The following NEBL variants were observed in gnomAD, a reference collection of about 807,000 sequenced individuals.
NEBL encodes the protein LIM and SH3 protein 2.
In NEBL, 122 loss-of-function variants were observed where a neutral mutation model predicts 140.2. That is an observed-to-expected ratio of 0.87 (90% CI 0.75 to 1.01). The LOEUF is 1.01. NEBL is among the 50% of genes least tolerant of loss of function. NEBL has a pLI of 0.00. For missense variants in NEBL, 1,365 were observed against 1,231.3 expected, an observed-to-expected ratio of 1.11 and a Z score of -1.62; for synonymous variants, 436 against 398.9, an observed-to-expected ratio of 1.09 and a Z score of -1.11.
At chr10:20,798,139 A>G (rs925299837) in intron 26 of NEBL, among the ~76,000 whole-genome samples, 1 of 151,598 alleles carries the variant, frequency 6.6e-6, no homozygotes, top group Admixed American at 6.6e-5. Flanking sequence ...TAGCATGGGC[A>G]TATCAGAAAT....
intron 5 of NEBL, among the ~76,000 whole-genome samples, chr10:20,877,496 T>G (rs1322297217): frequency 6.6e-6 from 1 of 152,210 alleles, no homozygotes; most frequent in African/African-American, 2.4e-5. Context: ...CTTTTTCTTT[T>G]CTAACAAAGA....
At chr10:21,231,089 C>T (rs1842243158) in intron 3 of NEBL, among the ~76,000 whole-genome samples, 1 of 152,206 alleles carries the variant, frequency 6.6e-6, no homozygotes, top group Admixed American at 6.5e-5. Flanking sequence ...GGCATAAGGA[C>T]ACAAGTTGAT....
At position 21,199,079 on chromosome 10, in the gene NEBL, C is replaced by T. The variant is rs546474289; in HGVS notation, n.349-26602G>A. Among the ~76,000 whole-genome samples, 9 of 151,820 alleles carry T rather than the reference C, an allele frequency of 5.9e-5. No individual in the cohort carries two copies. The East Asian group carries it at 1.8e-3, about 30-fold the overall frequency. On this transcript the variant is annotated intron_variant and non_coding_transcript_variant, in intron 3 of 8. Coordinates refer to the NEBL transcript ENST00000675702. ...TTGCTGTGTTGTGCAGGCTGGAGTACAGCAGTGCAATCACAGCTCACTGCA... is the reference window on the plus strand; with the variant it reads ...TTGCTGTGTTGTGCAGGCTGGAGTATAGCAGTGCAATCACAGCTCACTGCA...
intron 2 of NEBL, among the ~76,000 whole-genome samples, chr10:21,067,139 A>AT (rs1835600262): frequency 6.6e-6 from 1 of 151,760 alleles, no homozygotes; most frequent in South Asian, 2.1e-4. Context: ...CGCCCGGCTA[A>AT]TTTTGGTATT....
chr10:20,812,678 G>C (rs1343264900), intron 24 of NEBL, 91 bp downstream of exon 24: 1 of 1,469,512 alleles, frequency 6.8e-7, no homozygotes, highest in African/African-American at 1.4e-5. Context: ...ATGTGATGAG[G>C]AGTCAGATGA....
chr10:20,949,834 G>C (rs1835373211), intron 4 of NEBL, among the ~76,000 whole-genome samples: 1 of 151,974 alleles, frequency 6.6e-6, no homozygotes, highest in South Asian at 2.1e-4. Context: ...GTATTTTCTG[G>C]AATACTGATA....
intron 2 of NEBL, chr10:21,030,077 G>A (rs1473663630): frequency 6.4e-6 from 3 of 470,622 alleles, no homozygotes; most frequent in Non-Finnish European, 8.2e-6. Context: ...GTCCGGTCGA[G>A]CTTATTTTGT....
chr10:20,887,060 A>C (rs1489849639), intron 4 of NEBL, among the ~76,000 whole-genome samples: 1 of 152,302 alleles, frequency 6.6e-6, no homozygotes, highest in East Asian at 1.9e-4. Context: ...AACCTCCCCA[A>C]ATTTGATTGT....
intron 4 of NEBL, among the ~76,000 whole-genome samples, chr10:20,906,818 T>C (rs1445697280): frequency 1.3e-5 from 2 of 152,150 alleles, no homozygotes; most frequent in African/African-American, 2.4e-5. Flanking sequence ...CATGTTAATC[T>C]CTCCAGTCAA....
chr10:20,842,377 A>G (rs2130984047), intron 12 of NEBL, among the ~76,000 whole-genome samples: 1 of 152,224 alleles, frequency 6.6e-6, no homozygotes, highest in East Asian at 1.9e-4. Context: ...GTAATGTCAA[A>G]GGGCAATGGG....
In NEBL at chr10:20,834,794, A is replaced by G. The variant is rs116612983; in HGVS notation, c.1449+719T>C. ...TCCAGTGATCCTTTTATATTCTCAG[A>G]TTTTCTGGGGAAGTTCAAGAGGTGT... On this transcript the variant is annotated intron_variant, in intron 14 of 27. Coordinates refer to ENST00000377122, the MANE Select transcript of NEBL (RefSeq NM_006393.3). Among the ~76,000 whole-genome samples, 354 of 152,224 alleles carry G rather than the reference A, an allele frequency of 2.3e-3. 3 individuals are homozygous for G. Among genetic ancestry groups the G allele is most frequent in the African/African-American group, 8.0e-3 (334 of 41,528 alleles).
intron 2 of NEBL, among the ~76,000 whole-genome samples, chr10:21,068,021 A>C (rs1169088147): frequency 6.6e-6 from 1 of 152,206 alleles, no homozygotes; most frequent in African/African-American, 2.4e-5. Context: ...TAATAAATAC[A>C]ACATGCCTAG....
chr10:20,845,734 T>C (rs1841871452), intron 11 of NEBL, among the ~76,000 whole-genome samples: 1 of 152,052 alleles, frequency 6.6e-6, no homozygotes, highest in Non-Finnish European at 1.5e-5. Flanking sequence ...TGGGGGAAAA[T>C]CTGGTGGCAC....
At chr10:21,106,639 T>C (rs909902176) in intron 2 of NEBL, among the ~76,000 whole-genome samples, 2 of 152,220 alleles carry the variant, frequency 1.3e-5, no homozygotes, top group African/African-American at 4.8e-5. Flanking sequence ...CACTTTGTTC[T>C]TTTTGCTTAG....
At chr10:21,136,738 C>T (rs1839374434) in intron 2 of NEBL, among the ~76,000 whole-genome samples, 1 of 152,216 alleles carries the variant, frequency 6.6e-6, no homozygotes, top group Non-Finnish European at 1.5e-5. Context: ...AAACCACCTC[C>T]ACTTTCTCCT....
chr10:21,115,754 A>C (rs1211984070), intron 2 of NEBL, among the ~76,000 whole-genome samples: 2 of 151,856 alleles, frequency 1.3e-5, no homozygotes, highest in Admixed American at 6.6e-5. Context: ...TTTTCAGCAA[A>C]TTTGGATATT....
At chr10:20,899,342 T>C, upstream of NEBL, 16 of 1,194,602 alleles carry the variant, frequency 1.3e-5, no homozygotes, top group Non-Finnish European at 1.8e-5. Context: ...GTACTGGTGT[T>C]ACTCAGGGTG....
intron 2 of NEBL, among the ~76,000 whole-genome samples, chr10:21,114,240 C>T (rs1216488452): frequency 6.6e-6 from 1 of 151,998 alleles, no homozygotes; most frequent in South Asian, 2.1e-4. Context: ...ATCCAGATAT[C>T]TTTCTGTTAT....
chr10:20,943,834 C>T (rs1564455418), intron 4 of NEBL, among the ~76,000 whole-genome samples: 1 of 152,188 alleles, frequency 6.6e-6, no homozygotes, highest in African/African-American at 2.4e-5. Context: ...TGGCCTCAAG[C>T]AAGCATCCTC....
Sources: gnomAD v4.1 joint callset for allele counts (sites outside exome capture counted in the v4.1 genomes callset) on GRCh38, gnomAD v4.1.1 for gene constraint, MANE v1.5 for transcripts, NCBI Gene and HGNC (gene_info 2026-07-23, HGNC 2026-07-21) for gene names.